The following ILKAP variants were observed in gnomAD, a reference collection of about 807,000 sequenced individuals.
ILKAP encodes the protein ILK associated serine/threonine phosphatase, also known as integrin-linked kinase-associated serine/threonine phosphatase 2C.
In ILKAP, 11 loss-of-function variants were observed where a neutral mutation model predicts 49.1. That is an observed-to-expected ratio of 0.22 (90% CI 0.14 to 0.37). The LOEUF is 0.37. Ranked by LOEUF, ILKAP falls within the 10% of genes least tolerant of loss-of-function variation. The pLI is 1.00. For synonymous variants in ILKAP, 186 were observed against 192.8 expected, an observed-to-expected ratio of 0.96 and a Z score of 0.29; for missense variants, 363 against 510.8, an observed-to-expected ratio of 0.71 and a Z score of 2.79.
rs529010607 is a variant in ILKAP at position 238,183,910 on chromosome 2, G to C, written c.626+110C>G. 2.0e-5 allele frequency: 19 copies of C among 949,144 alleles called. No individual in the cohort carries two copies. The South Asian group carries it at 2.1e-4, about 10-fold the overall frequency. The allele number at this position is 949,144 out of a possible 1,614,324, so 58.8% of individuals were successfully genotyped here. ...AACGGTTATAAAAGCTGAGTGCTAC[G>C]CACTTTTCAGACAGTGAGCAATAGT... is the stretch of plus-strand genomic sequence containing the variant. On this transcript the variant is annotated intron_variant, in intron 7 of 11. Transcript: ENST00000254654.
chr2:238,173,623 C>T lies in ILKAP; in HGVS notation c.867G>A (p.Val289=), dbSNP rs147872617. The change falls in exon 10 of 12, where the codon GTG becomes GTA. Residue 289 remains valine (V), a synonymous_variant. Coordinates refer to ENST00000254654, the MANE Select transcript of ILKAP (RefSeq NM_030768.3). ...ACTGCCCGTCCCCAATGGAGCGTGA[C>T]ACCTCTAGCACGCCCAAAACACGCC... ...RDGRVLGVLE[V]SRSIGDGQYK... 1.2e-6 allele frequency: 2 copies of T among 1,613,824 alleles called. No homozygotes were observed. Among genetic ancestry groups the T allele is most frequent in the Non-Finnish European group, 8.5e-7 (1 of 1,179,864 alleles).
chr2:238,194,047 G>C (rs188639996), intron 3 of ILKAP, among the ~76,000 whole-genome samples: 71 of 152,308 alleles, frequency 4.7e-4, no homozygotes, highest in Admixed American at 1.4e-3. Context: ...AATTCTTAAA[G>C]GCAGTTCCAA....
At chr2:238,196,419 G>A (rs931665102) in intron 1 of ILKAP, among the ~76,000 whole-genome samples, 3 of 152,010 alleles carry the variant, frequency 2.0e-5, no homozygotes, top group Non-Finnish European at 4.4e-5. Context: ...TAGAGACGGG[G>A]TTTCACCATG....
At chr2:238,198,291 T>G (rs1165675296) in intron 1 of ILKAP, among the ~76,000 whole-genome samples, 8 of 151,878 alleles carry the variant, frequency 5.3e-5, no homozygotes, top group Non-Finnish European at 8.8e-5. Flanking sequence ...CAGGTTGGAG[T>G]GCAGTGGTGT....
intron 9 of ILKAP, among the ~76,000 whole-genome samples, chr2:238,175,309 T>G (rs1483554196): frequency 6.6e-6 from 1 of 151,814 alleles, no homozygotes; most frequent in Non-Finnish European, 1.5e-5. Flanking sequence ...CCCAGGCTGG[T>G]CCTTAAACAA....
intron 4 of ILKAP, 76 bp from the exon 5 acceptor site, chr2:238,188,333 A>G (rs1693986622): frequency 1.3e-6 from 2 of 1,533,100 alleles, no homozygotes; most frequent in South Asian, 2.4e-5. Flanking sequence ...AGAGCAAATG[A>G]GAGGGAACTA....
intron 1 of ILKAP, among the ~76,000 whole-genome samples, chr2:238,203,162 G>A (rs1367769798): frequency 1.3e-5 from 2 of 151,046 alleles, no homozygotes; most frequent in Non-Finnish European, 3.0e-5. Context: ...CCGCGGTGCC[G>A]CCGGGCGTTC....
chr2:238,193,807 A>C (rs1186265792), intron 3 of ILKAP, among the ~76,000 whole-genome samples: 6 of 152,214 alleles, frequency 3.9e-5, no homozygotes. Flanking sequence ...AGAAGTTCTC[A>C]TGAGACAGAA....
At position 238,184,030 on chromosome 2, in the gene ILKAP, C is replaced by G; in HGVS notation, c.616G>C (p.Ala206Pro). Residue 206 changes from alanine to proline, a missense_variant, in exon 7 of 12, where the codon GCT becomes CCT. Around this residue, in one of 3 missense-constraint regions of ILKAP, gnomAD observed 166 missense variants for 307.3 expected, o/e 0.54. Coordinates refer to ENST00000254654, the MANE Select transcript of ILKAP (RefSeq NM_030768.3). ...TCAAGTTATACTTACTGGCTGGAAG[C>G]TTGTTTAAGGAACTCTTCATCAGTA... ...KHTDEEFLKQ[A>P]SSQKPAWKDG... 1 of 1,600,736 alleles carries G rather than the reference C, an allele frequency of 6.2e-7. No individual in the cohort carries two copies. Among genetic ancestry groups the G allele is most frequent in the Non-Finnish European group, 8.6e-7 (1 of 1,167,804 alleles).
chr2:238,189,816 G>C, intron 4 of ILKAP, 37 bp downstream of exon 4: 1 of 1,596,304 alleles, frequency 6.3e-7, no homozygotes, highest in Non-Finnish European at 8.6e-7. Flanking sequence ...TTTAAAATAT[G>C]AAGTCTAATA....
chr2:238,194,736 T>A, intron 2 of ILKAP, 69 bp downstream of exon 2: 1 of 1,458,262 alleles, frequency 6.9e-7, no homozygotes, highest in Non-Finnish European at 9.6e-7. Context: ...GGGAAAAAGA[T>A]TGAGACAACT....
intron 6 of ILKAP, 56 bp downstream of exon 6, chr2:238,185,125 C>T: frequency 9.1e-7 from 1 of 1,094,774 alleles, no homozygotes; most frequent in Non-Finnish European, 1.4e-6. Flanking sequence ...CTTCACACAG[C>T]CAACCAAACA....
At chr2:238,195,794 G>A (rs1466857477) in intron 1 of ILKAP, among the ~76,000 whole-genome samples, 6 of 152,102 alleles carry the variant, frequency 3.9e-5, no homozygotes, top group Non-Finnish European at 7.4e-5. Context: ...TATAAACCCA[G>A]CACTTCGGTA....
intron 11 of ILKAP, 53 bp from the exon 12 acceptor site, chr2:238,170,729 T>C: frequency 6.2e-7 from 1 of 1,601,364 alleles, no homozygotes; most frequent in South Asian, 1.1e-5. Context: ...ACCCTGTCAC[T>C]TTCCTGAGAC....
Position 238,194,341 on chromosome 2 carries a change from A to C in ILKAP, c.122-10T>G. On this transcript the variant is annotated splice_polypyrimidine_tract_variant and intron_variant, in intron 2 of 11. Transcript: ENST00000254654. ...AAAGGTCCCCCTGATCCTGAAACAC[A>C]GCAGAACACTTAGTGAGCCCACAAA... The C allele has an allele frequency of 6.2e-7, 1 of 1,613,906 alleles. No individual in the cohort carries two copies. The highest frequency in any genetic ancestry group is 8.5e-7 in the Non-Finnish European group (1 of 1,179,802).
chr2:238,202,081 C>A (rs1014670974), intron 1 of ILKAP, among the ~76,000 whole-genome samples: 1 of 152,058 alleles, frequency 6.6e-6, no homozygotes, highest in African/African-American at 2.4e-5. Context: ...AAAAATTAGC[C>A]GGGTGTGGTG....
At chr2:238,175,472 G>C (rs923804182) in intron 9 of ILKAP, among the ~76,000 whole-genome samples, 2 of 152,190 alleles carry the variant, frequency 1.3e-5, no homozygotes, top group Admixed American at 6.5e-5. Flanking sequence ...ACAATGGACA[G>C]AATGACAGAT....
chr2:238,175,659 G>A (rs1693419293), intron 9 of ILKAP, among the ~76,000 whole-genome samples: 1 of 152,174 alleles, frequency 6.6e-6, no homozygotes, highest in African/African-American at 2.4e-5. Flanking sequence ...TGCCACCTCT[G>A]TTCTGGAAAC....
At chr2:238,194,205 T>C in intron 3 of ILKAP, 70 bp downstream of exon 3, 2 of 1,373,276 alleles carry the variant, frequency 1.5e-6, no homozygotes, top group South Asian at 2.4e-5. Context: ...AACCTATACA[T>C]AAATTTCACA....
Sources: allele counts gnomAD v4.1 joint callset (sites outside exome capture counted in the v4.1 genomes callset), GRCh38; gene constraint gnomAD v4.1.1; regional missense constraint gnomAD v4.1.1; transcripts MANE v1.5; gene names NCBI Gene and HGNC (gene_info 2026-07-23, HGNC 2026-07-21).